IKBKB-DT: variants seen among roughly 807,000 people sequenced by gnomAD.
IKBKB-DT encodes IKBKB antisense RNA.
At chr8:42,266,318 T>C (rs1807368922) in exon 2 of IKBKB-DT, 1 of 152,240 alleles carries the variant, frequency 6.6e-6, no homozygotes, top group East Asian at 1.9e-4. Context: ...AGCTGTCTTC[T>C]CCTTCTATGA....
chr8:42,234,136 A>G (rs1264312396), intron 3 of IKBKB-DT, among the ~76,000 whole-genome samples: 7 of 152,214 alleles, frequency 4.6e-5, no homozygotes, highest in Admixed American at 2.6e-4. Flanking sequence ...AGTTTCTCCC[A>G]AAGTTAGTTC....
At chr8:42,270,050 GT>G (rs1173482077) in intron 1 of IKBKB-DT, among the ~76,000 whole-genome samples, 14 of 152,188 alleles carry the variant, frequency 9.2e-5, no homozygotes, top group African/African-American at 3.4e-4. Context: ...CTCAGAGGTA[GT>G]CAACAGCAGT....
chr8:42,248,843 C>T (rs1286616017), intron 3 of IKBKB-DT, among the ~76,000 whole-genome samples: 1 of 149,914 alleles, frequency 6.7e-6, no homozygotes, highest in African/African-American at 2.5e-5. Flanking sequence ...TGCCCCTGTA[C>T]TCCAGCCTGG....
chr8:42,249,104 C>T (rs745557734), intron 3 of IKBKB-DT: 1 of 152,070 alleles, frequency 6.6e-6, no homozygotes, highest in Non-Finnish European at 1.5e-5. Context: ...TGCAGTAGCT[C>T]ACACCTGCAA....
At chr8:42,264,470 T>C (rs1288065498) in intron 2 of IKBKB-DT, among the ~76,000 whole-genome samples, 2 of 152,246 alleles carry the variant, frequency 1.3e-5, no homozygotes, top group African/African-American at 2.4e-5. Flanking sequence ...ATGTTTTTTG[T>C]TGTTGCTGAG....
intron 3 of IKBKB-DT, among the ~76,000 whole-genome samples, chr8:42,248,534 A>G (rs1378580265): frequency 6.6e-6 from 1 of 152,224 alleles, no homozygotes; most frequent in African/African-American, 2.4e-5. Flanking sequence ...GATTTTCACA[A>G]ACATTTTCCA....
chr8:42,256,934 A>G lies in IKBKB-DT; in HGVS notation n.1529+6395T>C, dbSNP rs138362365. ...AGGAATGCATCAAAATAAAACAATTAACTGTCTGTGGATGACAAAAGACTT... is the reference window on the plus strand; with the variant it reads ...AGGAATGCATCAAAATAAAACAATTGACTGTCTGTGGATGACAAAAGACTT... On this transcript the variant is annotated intron_variant and non_coding_transcript_variant, in intron 3 of 3. Coordinates refer to ENST00000518213, the Ensembl canonical transcript of IKBKB-DT. Among the ~76,000 whole-genome samples the G allele has an allele frequency of 3.9e-5, 6 of 152,318 alleles. No homozygotes were observed. The East Asian group carries it at 1.2e-3, about 29-fold the overall frequency.
intron 3 of IKBKB-DT, among the ~76,000 whole-genome samples, chr8:42,251,828 C>CAAA (rs59420104): frequency 1.5e-4 from 14 of 91,446 alleles, no homozygotes; most frequent in African/African-American, 4.7e-4. Context: ...GACTCCATCT[C>CAAA]AAAAAAAAAA....
At chr8:42,261,708 T>G (rs1337414716) in intron 3 of IKBKB-DT, among the ~76,000 whole-genome samples, 2 of 152,366 alleles carry the variant, frequency 1.3e-5, no homozygotes, top group Non-Finnish European at 2.9e-5. Flanking sequence ...AACTTGGAAG[T>G]GTGTCCCGGG....
At chr8:42,251,241 C>G (rs1305093950) in intron 3 of IKBKB-DT, among the ~76,000 whole-genome samples, 1 of 152,252 alleles carries the variant, frequency 6.6e-6, no homozygotes, top group African/African-American at 2.4e-5. Flanking sequence ...ATGGCGAGAG[C>G]ACACTTGAAC....
intron 3 of IKBKB-DT, among the ~76,000 whole-genome samples, chr8:42,243,390 A>G (rs1807027181): frequency 6.6e-6 from 1 of 152,164 alleles, no homozygotes; most frequent in East Asian, 1.9e-4. Context: ...AGAAGTGGGG[A>G]AAAGGAGGAA....
chr8:42,255,544 T>G (rs1385585291), intron 3 of IKBKB-DT: 1 of 152,192 alleles, frequency 6.6e-6, no homozygotes, highest in Non-Finnish European at 1.5e-5. Flanking sequence ...AGAAACCACA[T>G]AAGCAAAGTA....
chr8:42,243,367 A>G (rs1807026958), intron 3 of IKBKB-DT, among the ~76,000 whole-genome samples: 2 of 152,228 alleles, frequency 1.3e-5, no homozygotes, highest in Non-Finnish European at 2.9e-5. Context: ...TGCATTTCTA[A>G]AGAGCTAAAG....
chr8:42,260,029 G>C (rs547945705), intron 3 of IKBKB-DT, among the ~76,000 whole-genome samples: 1 of 151,324 alleles, frequency 6.6e-6, no homozygotes, highest in East Asian at 1.9e-4. Flanking sequence ...GAGAGAGAGA[G>C]AGAAGTGGAG....
intron 3 of IKBKB-DT, among the ~76,000 whole-genome samples, chr8:42,262,301 A>G (rs1744755307): frequency 6.6e-6 from 1 of 151,638 alleles, no homozygotes; most frequent in Non-Finnish European, 1.5e-5. Flanking sequence ...AAAAATAAAT[A>G]AAAGATGACC....
chr8:42,240,931 C>A (rs181099371), intron 3 of IKBKB-DT, among the ~76,000 whole-genome samples: 20 of 151,406 alleles, frequency 1.3e-4, no homozygotes, highest in Admixed American at 5.3e-4. Flanking sequence ...GCTGAGATTG[C>A]GCCATTGCAC....
chr8:42,251,672 A>G (rs1460045765), intron 3 of IKBKB-DT, among the ~76,000 whole-genome samples: 2 of 152,146 alleles, frequency 1.3e-5, no homozygotes, highest in Non-Finnish European at 2.9e-5. Flanking sequence ...ATCTACTAAA[A>G]ATACAAAAAT....
chr8:42,265,723 C>T (rs1807360230), exon 2 of IKBKB-DT: 1 of 152,254 alleles, frequency 6.6e-6, no homozygotes, highest in Non-Finnish European at 1.5e-5. Flanking sequence ...TTTGAATTTA[C>T]TGGAATAAAA....
At chr8:42,251,309 C>G (rs1807125990) in intron 3 of IKBKB-DT, among the ~76,000 whole-genome samples, 1 of 152,234 alleles carries the variant, frequency 6.6e-6, no homozygotes, top group Non-Finnish European at 1.5e-5. Flanking sequence ...ACTGCTGTAT[C>G]CTGCATCCAT....
Sources: gnomAD v4.1 joint callset for allele counts (sites outside exome capture counted in the v4.1 genomes callset) on GRCh38, gnomAD v4.1.1 for gene constraint, MANE v1.5 for transcripts, NCBI Gene and HGNC (gene_info 2026-07-23, HGNC 2026-07-21) for gene names.